The following PABPC4L variants were observed in gnomAD, a reference collection of about 807,000 sequenced individuals.
PABPC4L encodes poly(A) binding protein cytoplasmic 4 like, also known as polyadenylate-binding protein 4-like.
For missense variants in PABPC4L, 452 were observed against 451.4 expected (o/e 1.00, Z -0.01); for synonymous variants, 169 against 164.1 (o/e 1.03, Z -0.23).
the PABPC4L span, among the ~76,000 whole-genome samples, chr4:134,150,551 T>TA: frequency 6.6e-6 from 1 of 152,128 alleles, no homozygotes; most frequent in Non-Finnish European, 1.5e-5. Flanking sequence ...AATTTCACTT[T>TA]AAAAAAATTA....
the PABPC4L span, among the ~76,000 whole-genome samples, chr4:134,061,106 A>G: frequency 3.3e-5 from 5 of 152,094 alleles, 1 homozygote; most frequent in Non-Finnish European, 7.4e-5. Context: ...CACAAAGGAT[A>G]GATGCTTGAG....
the PABPC4L span, among the ~76,000 whole-genome samples, chr4:134,080,415 T>G: frequency 6.6e-6 from 1 of 152,182 alleles, no homozygotes; most frequent in Non-Finnish European, 1.5e-5. Context: ...CTGTTCCCAA[T>G]ATAGCAGTAG....
chr4:134,076,531 G>C, the PABPC4L span, among the ~76,000 whole-genome samples: 1 of 152,102 alleles, frequency 6.6e-6, no homozygotes, highest in African/African-American at 2.4e-5. Flanking sequence ...TGGGGAGTCA[G>C]GAAAAGGAAG....
At chr4:133,986,374 T>G in the PABPC4L span, among the ~76,000 whole-genome samples, 1 of 151,852 alleles carries the variant, frequency 6.6e-6, no homozygotes, top group African/African-American at 2.4e-5. Context: ...TTAAGTAAAA[T>G]GAAGCACATT....
At chr4:134,020,393 A>G in the PABPC4L span, among the ~76,000 whole-genome samples, 1 of 152,146 alleles carries the variant, frequency 6.6e-6, no homozygotes, top group Non-Finnish European at 1.5e-5. Context: ...AATCAATGTT[A>G]TTATCTTTAA....
chr4:134,158,703 T>C, the PABPC4L span, among the ~76,000 whole-genome samples: 18 of 152,258 alleles, frequency 1.2e-4, no homozygotes, highest in East Asian at 2.5e-3. Context: ...ATCTAGGTGC[T>C]AGATGTCATC....
the PABPC4L span, among the ~76,000 whole-genome samples, chr4:134,146,343 T>A: frequency 2.7e-5 from 2 of 74,086 alleles, no homozygotes; most frequent in Non-Finnish European, 4.5e-5. Context: ...AATACAGTGA[T>A]TTTTAATGTT....
chr4:133,953,934 C>T, the PABPC4L span, among the ~76,000 whole-genome samples: 4 of 152,196 alleles, frequency 2.6e-5, no homozygotes, highest in African/African-American at 9.6e-5. Context: ...GAAGTGGCCT[C>T]ATTTCCTTTT....
At chr4:133,975,911 ACTCT>A in the PABPC4L span, among the ~76,000 whole-genome samples, 5 of 151,508 alleles carry the variant, frequency 3.3e-5, no homozygotes, top group East Asian at 1.9e-4. Context: ...ATACACACAC[ACTCT>A]CTCTCTTTCT....
chr4:134,071,336 G>A, the PABPC4L span, among the ~76,000 whole-genome samples: 1 of 152,024 alleles, frequency 6.6e-6, no homozygotes, highest in Non-Finnish European at 1.5e-5. Flanking sequence ...TCTTCCTTAT[G>A]TACCAGTCTC....
chr4:134,076,726 G>T, the PABPC4L span, among the ~76,000 whole-genome samples: 1 of 152,140 alleles, frequency 6.6e-6, no homozygotes, highest in Non-Finnish European at 1.5e-5. Flanking sequence ...AACTGAGCAT[G>T]TGGGTCTGGA....
At chr4:134,068,077 T>G in the PABPC4L span, among the ~76,000 whole-genome samples, 1 of 152,088 alleles carries the variant, frequency 6.6e-6, no homozygotes, top group Admixed American at 6.5e-5. Flanking sequence ...ATATGTTTGT[T>G]AATTTTCTGT....
chr4:134,041,424 G>T, the PABPC4L span, among the ~76,000 whole-genome samples: 3 of 152,092 alleles, frequency 2.0e-5, no homozygotes, highest in Non-Finnish European at 4.4e-5. Flanking sequence ...CATGTCCTTT[G>T]CAGGGACATG....
the PABPC4L span, among the ~76,000 whole-genome samples, chr4:134,058,046 A>G: frequency 6.6e-6 from 1 of 152,042 alleles, no homozygotes; most frequent in Non-Finnish European, 1.5e-5. Flanking sequence ...GATGAAAAAT[A>G]TTAGGATCTA....
At chr4:133,994,159 C>T in the PABPC4L span, among the ~76,000 whole-genome samples, 1 of 152,064 alleles carries the variant, frequency 6.6e-6, no homozygotes, top group African/African-American at 2.4e-5. Flanking sequence ...AAAAGTCTCC[C>T]TTTGCCAGAC....
At chr4:134,127,926 G>C in the PABPC4L span, among the ~76,000 whole-genome samples, 1 of 151,878 alleles carries the variant, frequency 6.6e-6, no homozygotes, top group Non-Finnish European at 1.5e-5. Flanking sequence ...GGATATGAAT[G>C]AAAAAATCTC....
the PABPC4L span, among the ~76,000 whole-genome samples, chr4:134,172,392 A>G: frequency 6.6e-6 from 1 of 152,274 alleles, no homozygotes; most frequent in South Asian, 2.1e-4. Context: ...TCTTTGACAA[A>G]GTTGACCAAC....
chr4:134,000,983 T>C, the PABPC4L span, among the ~76,000 whole-genome samples: 5 of 152,218 alleles, frequency 3.3e-5, no homozygotes, highest in East Asian at 7.7e-4. Context: ...AAATCAGTTT[T>C]ATATACATAT....
At chr4:134,184,969 A>T in the PABPC4L span, among the ~76,000 whole-genome samples, 1 of 152,036 alleles carries the variant, frequency 6.6e-6, no homozygotes, top group Non-Finnish European at 1.5e-5. Flanking sequence ...CACCATCTGT[A>T]TATCTCCTTT....
Sources: gnomAD v4.1 joint callset for allele counts (sites outside exome capture counted in the v4.1 genomes callset) on GRCh38, gnomAD v4.1.1 for gene constraint, MANE v1.5 for transcripts, NCBI Gene and HGNC (gene_info 2026-07-23, HGNC 2026-07-21) for gene names.